The following RBMS3 variants were observed in gnomAD, a reference collection of about 807,000 sequenced individuals.
The protein encoded by RBMS3 is RNA-binding motif, single-stranded-interacting protein 3.
A neutral mutation model predicts 66.8 loss-of-function variants in RBMS3; 27 were observed. The ratio of observed to expected loss-of-function variants is 0.40; its 90% CI spans 0.30 to 0.56. RBMS3 has a LOEUF of 0.56. Among genes scored for constraint, RBMS3 ranks in the 20% least tolerant of loss-of-function variants. RBMS3 has a pLI of 0.40. For synonymous variants in RBMS3, 188 were observed against 183.0 expected, an observed-to-expected ratio of 1.03 and a Z score of -0.22; for missense variants, 513 against 549.5, an observed-to-expected ratio of 0.93 and a Z score of 0.66.
chr3:29,871,815 A>C (rs1203383330), intron 7 of RBMS3, among the ~76,000 whole-genome samples: 1 of 152,144 alleles, frequency 6.6e-6, no homozygotes, highest in Non-Finnish European at 1.5e-5. Flanking sequence ...TTGATAGACT[A>C]ATTAAAATTT....
chr3:29,486,241 C>T lies in RBMS3; in HGVS notation c.249-2200C>T, dbSNP rs574502620. On this transcript the variant is annotated intron_variant, in intron 2 of 14. Coordinates refer to ENST00000383767, the MANE Select transcript of RBMS3 (RefSeq NM_001003793.3). ...GTCATCCTGAGAGTTCAGACATGAA[C>T]TGTAACCAGTGGCCCATTAAGTACC... Among the ~76,000 whole-genome samples the T allele has an allele frequency of 1.8e-4, 28 of 152,266 alleles. 1 individual carries two copies. In the South Asian group the frequency reaches 5.6e-3, roughly 30 times the overall value.
chr3:29,783,075 A>G (rs1017695883), intron 6 of RBMS3, among the ~76,000 whole-genome samples: 1 of 152,224 alleles, frequency 6.6e-6, no homozygotes, highest in Non-Finnish European at 1.5e-5. Context: ...CCTAAGAATA[A>G]TTGGCGTTCC....
intron 14 of RBMS3, among the ~76,000 whole-genome samples, chr3:29,992,874 A>G (rs972267889): frequency 1.3e-5 from 2 of 152,170 alleles, no homozygotes; most frequent in Non-Finnish European, 2.9e-5. Flanking sequence ...CTGACTTAGC[A>G]AGATTCTTGC....
At chr3:29,784,304 C>T (rs991922685) in intron 6 of RBMS3, among the ~76,000 whole-genome samples, 9 of 151,924 alleles carry the variant, frequency 5.9e-5, no homozygotes, top group African/African-American at 2.2e-4. Flanking sequence ...AGTCTCAATA[C>T]ATTTAAGAAA....
intron 4 of RBMS3, among the ~76,000 whole-genome samples, chr3:29,664,620 A>C (rs903770200): frequency 8.5e-5 from 13 of 152,158 alleles, no homozygotes; most frequent in African/African-American, 2.9e-4. Flanking sequence ...TATACAAAAA[A>C]ATAGAACTGA....
chr3:29,394,713 C>T (rs1472809511), intron 1 of RBMS3, among the ~76,000 whole-genome samples: 1 of 152,158 alleles, frequency 6.6e-6, no homozygotes, highest in Non-Finnish European at 1.5e-5. Flanking sequence ...CAACACCAAA[C>T]CATTTAAAAA....
In RBMS3 at chr3:29,817,192, C is replaced by CTTT. The variant is rs373365962; in HGVS notation, c.638-51655_638-51653dup. On this transcript the variant is annotated intron_variant, in intron 6 of 14. Transcript: ENST00000383767. The stretch of plus-strand genomic sequence containing the variant: ...GGGTTGCATTTCCAAATTTTCTTTT[C>CTTT]TTTTTTTTTTTTTGAGGCAAAGTCT... Among the ~76,000 whole-genome samples, 73 of 127,200 alleles carry CTTT rather than the reference C, an allele frequency of 5.7e-4. 1 individual carries two copies. Among genetic ancestry groups the CTTT allele is most frequent in the African/African-American group, 1.9e-3 (59 of 31,666 alleles). The allele number at this position is 127,200 out of a possible 152,430, so 83.4% of individuals were successfully genotyped here. A position where few individuals can be genotyped will look rare whatever the true frequency, so the allele number is the denominator to read the frequency against.
intron 4 of RBMS3, among the ~76,000 whole-genome samples, chr3:29,720,176 T>G (rs2053583933): frequency 6.6e-6 from 1 of 152,180 alleles, no homozygotes; most frequent in African/African-American, 2.4e-5. Context: ...CTTTTTTGCC[T>G]GAGAAACGTG....
At chr3:29,301,012 A>C (rs907526543) in intron 1 of RBMS3, among the ~76,000 whole-genome samples, 1 of 151,988 alleles carries the variant, frequency 6.6e-6, no homozygotes, top group African/African-American at 2.4e-5. Flanking sequence ...GATGATATGA[A>C]GATTGGAAAA....
chr3:29,500,402 C>T (rs2043922925), intron 3 of RBMS3, among the ~76,000 whole-genome samples: 1 of 148,922 alleles, frequency 6.7e-6, no homozygotes, highest in Non-Finnish European at 1.5e-5. Flanking sequence ...ATAAGAATAA[C>T]TCCAAGTGAA....
chr3:29,959,941 G>A (rs1180025199), intron 12 of RBMS3, among the ~76,000 whole-genome samples: 1 of 151,958 alleles, frequency 6.6e-6, no homozygotes, highest in Non-Finnish European at 1.5e-5. Flanking sequence ...TTTGGGTGGG[G>A]ACATACCCAA....
At chr3:29,925,735 C>T (rs547636470) in intron 10 of RBMS3, among the ~76,000 whole-genome samples, 5 of 152,254 alleles carry the variant, frequency 3.3e-5, no homozygotes, top group African/African-American at 1.2e-4. Flanking sequence ...TCACCTGGGG[C>T]AGGCTCTAAT....
chr3:29,678,160 G>T (rs2051331275), intron 4 of RBMS3, among the ~76,000 whole-genome samples: 1 of 152,122 alleles, frequency 6.6e-6, no homozygotes, highest in Non-Finnish European at 1.5e-5. Flanking sequence ...TGCCCCATTT[G>T]TCAATTCCTG....
intron 3 of RBMS3, among the ~76,000 whole-genome samples, chr3:29,522,926 A>T (rs2148976716): frequency 6.6e-6 from 1 of 152,252 alleles, no homozygotes; most frequent in African/African-American, 2.4e-5. Context: ...CTTACTTAGT[A>T]CTTCTCTTTT....
rs571712271 is a variant in RBMS3 at position 29,735,335 on chromosome 3, C to T, written c.400-4385C>T. Among the ~76,000 whole-genome samples the T allele has an allele frequency of 3.3e-4, 50 of 152,160 alleles. No homozygotes were observed. In the East Asian group the frequency reaches 8.3e-3, roughly 25 times the overall value. On this transcript the variant is annotated intron_variant, in intron 4 of 14. Coordinates refer to ENST00000383767, the MANE Select transcript of RBMS3 (RefSeq NM_001003793.3). The stretch of plus-strand genomic sequence containing the variant: ...AAAGTAAATTATTTACATATTTTTG[C>T]GTAAGATGACAGATCTGGGCTCCCA...
chr3:29,641,686 A>G (rs1487078550), intron 4 of RBMS3, among the ~76,000 whole-genome samples: 3 of 152,100 alleles, frequency 2.0e-5, no homozygotes, highest in Admixed American at 2.0e-4. Flanking sequence ...TACTGTATGA[A>G]CATTTGAATT....
intron 3 of RBMS3, among the ~76,000 whole-genome samples, chr3:29,543,222 G>T (rs1323661528): frequency 6.6e-6 from 1 of 150,404 alleles, no homozygotes; most frequent in Non-Finnish European, 1.5e-5. Context: ...ACCAGGCAAA[G>T]ATTTATATTT....
At chr3:29,326,306 G>C (rs1040134033) in intron 1 of RBMS3, among the ~76,000 whole-genome samples, 1 of 152,040 alleles carries the variant, frequency 6.6e-6, no homozygotes, top group African/African-American at 2.4e-5. Context: ...CTCTAAACCT[G>C]TTCTTTCCCC....
intron 11 of RBMS3, among the ~76,000 whole-genome samples, chr3:29,937,512 T>C (rs918461959): frequency 6.6e-6 from 1 of 152,010 alleles, no homozygotes; most frequent in African/African-American, 2.4e-5. Context: ...AAAGTCAATA[T>C]AATTTAATGG....
Sources: gnomAD v4.1 joint callset for allele counts (sites outside exome capture counted in the v4.1 genomes callset) on GRCh38, gnomAD v4.1.1 for gene constraint, MANE v1.5 for transcripts, NCBI Gene and HGNC (gene_info 2026-07-23, HGNC 2026-07-21) for gene names.